Variants in SMAP2 observed in about 807,000 individuals in gnomAD.
SMAP2 encodes the protein stromal membrane-associated protein 2.
SMAP2 carries 25 observed loss-of-function variants against 56.4 expected under a neutral mutation model. The ratio of observed to expected loss-of-function variants is 0.44; its 90% CI spans 0.32 to 0.62. The LOEUF is 0.62. Among genes scored for constraint, SMAP2 ranks in the 20% least tolerant of loss-of-function variants. SMAP2 has a pLI of 0.04. For synonymous variants in SMAP2, 157 were observed against 181.7 expected (o/e 0.86, Z 1.09); for missense variants, 388 against 545.6 (o/e 0.71, Z 2.88).
Position 40,416,858 on chromosome 1 carries a change from T to C in SMAP2, c.926T>C (p.Ile309Thr). Residue 309 changes from isoleucine to threonine, a missense_variant, in exon 9 of 10, where the codon ATA becomes ACA. Ile to Thr is a moderately conservative substitution (Grantham distance 89, BLOSUM62 -1). Coordinates refer to ENST00000372718, the MANE Select transcript of SMAP2 (RefSeq NM_022733.3). ...CCCGGGGTTACACCTCCTAACAGCA[T>C]AATGGGGAGCATGATGCCTCCACCA... Reference protein sequence around the residue: ...SFPGVTPPNSIMGSMMPPPVG... With the variant: ...SFPGVTPPNSTMGSMMPPPVG... The C allele has an allele frequency of 6.2e-7, 1 of 1,614,196 alleles. No individual in the cohort carries two copies. Among genetic ancestry groups the C allele is most frequent in the Non-Finnish European group, 8.5e-7 (1 of 1,180,024 alleles).
intron 1 of SMAP2, among the ~76,000 whole-genome samples, chr1:40,355,225 C>T (rs951417792): frequency 6.6e-6 from 1 of 152,150 alleles, no homozygotes; most frequent in African/African-American, 2.4e-5. Flanking sequence ...ACCTTCAGCA[C>T]TCTTCCGGCC....
intron 1 of SMAP2, among the ~76,000 whole-genome samples, chr1:40,401,363 C>T (rs1017001422): frequency 2.6e-5 from 4 of 152,166 alleles, no homozygotes; most frequent in African/African-American, 9.7e-5. Context: ...AAGATAGATT[C>T]CACAGGATTT....
chr1:40,407,481 C>A (rs529672570), intron 2 of SMAP2, among the ~76,000 whole-genome samples: 247 of 151,948 alleles, frequency 1.6e-3, no homozygotes, highest in African/African-American at 4.7e-3. Context: ...TAGAGTGAGA[C>A]CCTGTCTCAA....
chr1:40,388,024 C>A (rs1264915447), intron 1 of SMAP2, among the ~76,000 whole-genome samples: 2 of 152,114 alleles, frequency 1.3e-5, no homozygotes, highest in African/African-American at 4.8e-5. Context: ...TGTGCTGGGT[C>A]CCCCAGCAGT....
intron 2 of SMAP2, among the ~76,000 whole-genome samples, chr1:40,363,534 G>T (rs574638659): frequency 1.1e-4 from 17 of 152,048 alleles, no homozygotes; most frequent in Non-Finnish European, 2.2e-4. Context: ...TAGGAAGGCA[G>T]AGCAAGATGG....
At chr1:40,377,879 CT>C (rs1438811721) in intron 1 of SMAP2, among the ~76,000 whole-genome samples, 1 of 152,146 alleles carries the variant, frequency 6.6e-6, no homozygotes, top group Non-Finnish European at 1.5e-5. Context: ...TTCCAGGAAC[CT>C]TCTGGGGTAC....
chr1:40,391,809 T>C (rs910637768), intron 1 of SMAP2, among the ~76,000 whole-genome samples: 6 of 152,208 alleles, frequency 3.9e-5, no homozygotes, highest in Admixed American at 1.3e-4. Flanking sequence ...GTTTTGTTTT[T>C]GTTTTTAAAT....
In SMAP2 at chr1:40,385,599, T is replaced by C. The variant is rs2124248523; in HGVS notation, c.103+11376T>C. Among the ~76,000 whole-genome samples, 1 of 152,368 alleles carries C rather than the reference T, an allele frequency of 6.6e-6. No individual in the cohort carries two copies. Among genetic ancestry groups the C allele is most frequent in the South Asian group, 2.1e-4 (1 of 4,828 alleles). On this transcript the variant is annotated intron_variant, in intron 1 of 9. Coordinates refer to ENST00000372718, the MANE Select transcript of SMAP2 (RefSeq NM_022733.3). The surrounding 1 kb of genome is among the most constrained non-coding windows in gnomAD (Gnocchi z 4.5). ...ATGCGAGAGGGAGAGAGACCTACTC[T>C]CAGCTGTAGCTGATAAGTGTGTCCT...
In SMAP2 at chr1:40,374,181, C is replaced by G. The variant is rs1419982117; in HGVS notation, c.61C>G (p.Leu21Val). 6.2e-7 allele frequency: 1 copy of G among 1,613,784 alleles called. No homozygotes were observed. The highest frequency in any genetic ancestry group is 1.7e-5 in the Admixed American group (1 of 59,964). Reference protein sequence around the residue: ...RYQAVLANLLLEEDNKFCADC... With the variant: ...RYQAVLANLLVEEDNKFCADC... The stretch of plus-strand genomic sequence containing the variant: ...CCAGGCTGTCCTGGCCAACCTGCTG[C>G]TGGAGGAGGATAACAAGTTTTGTGC... The change falls in exon 1 of 10, where the codon CTG becomes GTG. Residue 21 changes from leucine (L) to valine (V), a missense_variant. By Grantham distance (32) the Leu-to-Val change is conservative. Coordinates refer to ENST00000372718, the MANE Select transcript of SMAP2 (RefSeq NM_022733.3). The surrounding 1 kb of genome is among the most constrained non-coding windows in gnomAD (Gnocchi z 5.9).
upstream of SMAP2, among the ~76,000 whole-genome samples, chr1:40,372,076 G>A (rs1040126607): frequency 6.6e-6 from 1 of 152,198 alleles, no homozygotes; most frequent in African/African-American, 2.4e-5. Flanking sequence ...GCAATGGAGA[G>A]CCACTAAAGG....
rs780922058 is a variant in SMAP2, at chr1:40,416,796, C to T, written c.864C>T (p.Pro288=). The change falls in exon 9 of 10, where the codon CCC becomes CCT. Residue 288 remains proline, a synonymous_variant. Transcript: ENST00000372718. ...QMPTQAMFMA[P]AQMAYPTAYP... is the part of the protein sequence containing the mutation. ...TCTTGGCAGCAATGTTCATGGCTCCCGCTCAGATGGCATATCCCACAGCCT... is the reference window on the plus strand; with the variant it reads ...TCTTGGCAGCAATGTTCATGGCTCCTGCTCAGATGGCATATCCCACAGCCT... 2.4e-5 allele frequency: 38 copies of T among 1,602,564 alleles called. No homozygotes were observed. The highest frequency in any genetic ancestry group is 1.8e-4 in the East Asian group (8 of 44,532).
chr1:40,400,529 G>C (rs1221994375), intron 1 of SMAP2, among the ~76,000 whole-genome samples: 1 of 152,130 alleles, frequency 6.6e-6, no homozygotes, highest in Non-Finnish European at 1.5e-5. Context: ...ATGGAGAGAA[G>C]AGATACTGAT....
rs1386412369 is a variant in SMAP2, at chr1:40,416,328, A to G, written c.834A>G (p.Gln278=). 2 of 1,613,736 alleles carry G rather than the reference A, an allele frequency of 1.2e-6. No individual in the cohort carries two copies. The highest frequency in any genetic ancestry group is 2.2e-5 in the South Asian group (2 of 91,032). ...ILSLYGSQTP[Q]MPTQAMFMAP... ...CACTGTATGGATCCCAGACGCCTCA[A>G]ATGCCTACTCAAGGTAGATTTCATG... Residue 278 remains glutamine, a synonymous_variant, in exon 8 of 10, where the codon CAA becomes CAG. Coordinates refer to ENST00000372718, the MANE Select transcript of SMAP2 (RefSeq NM_022733.3).
At chr1:40,359,334 C>G (rs531248396) in intron 1 of SMAP2, among the ~76,000 whole-genome samples, 1 of 152,212 alleles carries the variant, frequency 6.6e-6, no homozygotes, top group African/African-American at 2.4e-5. Context: ...AACTCCTGAC[C>G]TCAGGTGACC....
chr1:40,422,894 G>T lies in SMAP2; in HGVS notation c.*793G>T, dbSNP rs1047321030. 6.6e-6 allele frequency: 1 copy of T among 152,550 alleles called. No homozygotes were observed. The highest frequency in any genetic ancestry group is 2.4e-5 in the African/African-American group (1 of 41,250). The allele number at this position is 152,550 out of a possible 1,614,324, so 9.4% of individuals were successfully genotyped here. On this transcript the variant is annotated 3_prime_UTR_variant, in exon 10 of 10. Transcript: ENST00000372718. Reference sequence around the variant, plus strand: ...TAACGTGTACTGCTTGTGTGTGTGCGTGAGTGTGTGTGTGTGTATGAGTGT... The same window carrying T: ...TAACGTGTACTGCTTGTGTGTGTGCTTGAGTGTGTGTGTGTGTATGAGTGT...
chr1:40,389,412 A>G (rs1039266295), intron 1 of SMAP2, among the ~76,000 whole-genome samples: 2 of 152,150 alleles, frequency 1.3e-5, no homozygotes, highest in African/African-American at 2.4e-5. Context: ...CATAGTGTCT[A>G]TGTCCCTATT....
intron 1 of SMAP2, among the ~76,000 whole-genome samples, chr1:40,381,534 C>T (rs1221463092): frequency 1.3e-5 from 2 of 151,992 alleles, no homozygotes; most frequent in African/African-American, 4.8e-5. Context: ...CTCGAAGGTG[C>T]ACTGTTTTGT....
chr1:40,417,982 C>T (rs192326751), intron 9 of SMAP2, among the ~76,000 whole-genome samples: 72 of 152,192 alleles, frequency 4.7e-4, no homozygotes, highest in African/African-American at 1.6e-3. Context: ...CATTTGTACA[C>T]AACTACTACA....
At chr1:40,357,314 G>A (rs754279323) in intron 1 of SMAP2, among the ~76,000 whole-genome samples, 24 of 152,042 alleles carry the variant, frequency 1.6e-4, no homozygotes, top group Non-Finnish European at 3.2e-4. Context: ...TATTAGCCAG[G>A]CATGGTGACG....
Sources: allele counts gnomAD v4.1 joint callset (sites outside exome capture counted in the v4.1 genomes callset), GRCh38; gene constraint gnomAD v4.1.1; non-coding constraint Gnocchi (gnomAD v3.1); transcripts MANE v1.5; gene names NCBI Gene and HGNC (gene_info 2026-07-23, HGNC 2026-07-21).